The following IGF1R variants were observed in gnomAD, a reference collection of about 807,000 sequenced individuals.
IGF1R encodes insulin-like growth factor 1 receptor.
In IGF1R, 44 loss-of-function variants were observed where a neutral mutation model predicts 144.6. That is an observed-to-expected ratio of 0.30 (90% CI 0.24 to 0.39). The LOEUF (loss-of-function observed/expected upper bound fraction) is 0.39. IGF1R is among the 10% of genes least tolerant of loss of function. IGF1R has a pLI of 1.00. For missense variants in IGF1R, 1,355 were observed against 1,833.7 expected, an observed-to-expected ratio of 0.74 and a Z score of 4.77; for synonymous variants, 795 against 722.8, an observed-to-expected ratio of 1.10 and a Z score of -1.60.
chr15:98,900,028 T>C (rs1485342153), intron 5 of IGF1R, among the ~76,000 whole-genome samples: 1 of 152,196 alleles, frequency 6.6e-6, no homozygotes, highest in Admixed American at 6.5e-5. Flanking sequence ...TACGCACAAC[T>C]GCTCCATCTT....
rs551534277 is a variant in IGF1R at position 98,804,178 on chromosome 15, G to T, written c.641-87147G>T. On this transcript the variant is annotated intron_variant, in intron 2 of 20. Coordinates refer to ENST00000650285, the MANE Select transcript of IGF1R (RefSeq NM_000875.5). ...GGCTCACCATGCAGTACACATGTGT[G>T]GTCACTGGAGGGAATGGAAGAACAC... is the stretch of plus-strand genomic sequence containing the variant. Among the ~76,000 whole-genome samples the T allele has an allele frequency of 1.4e-4, 22 of 152,304 alleles. 1 individual carries two copies. In the South Asian group the frequency reaches 3.9e-3, roughly 27 times the overall value.
At chr15:98,742,691 G>T (rs1214703371) in intron 2 of IGF1R, among the ~76,000 whole-genome samples, 1 of 152,156 alleles carries the variant, frequency 6.6e-6, no homozygotes, top group Non-Finnish European at 1.5e-5. Context: ...GATCATTTTG[G>T]ACTGTTTCAA....
intron 1 of IGF1R, among the ~76,000 whole-genome samples, chr15:98,661,627 A>G (rs1463454392): frequency 6.6e-6 from 1 of 152,178 alleles, no homozygotes; most frequent in Non-Finnish European, 1.5e-5. Context: ...GCATATGTGC[A>G]GGGCTTCCTT....
rs1383538238 is a variant in IGF1R at position 98,704,696 on chromosome 15, G to A, written c.95-2866G>A. Among the ~76,000 whole-genome samples, 6 of 152,110 alleles carry A rather than the reference G, an allele frequency of 3.9e-5. No homozygotes were observed. The highest frequency in any genetic ancestry group is 1.3e-4 in the Admixed American group (2 of 15,264). ...ATAATTGTGAACCAACTGGAGCTGC[G>A]GTGAGAGAGACCATGAAAAGAAGGG... On this transcript the variant is annotated intron_variant, in intron 1 of 20. Coordinates refer to ENST00000650285, the MANE Select transcript of IGF1R (RefSeq NM_000875.5). This position sits in a 1 kb window ranked among gnomAD's most constrained non-coding sequence, Gnocchi z 4.9.
chr15:98,915,494 T>A (rs1364633070), intron 8 of IGF1R, among the ~76,000 whole-genome samples: 1 of 152,204 alleles, frequency 6.6e-6, no homozygotes, highest in African/African-American at 2.4e-5. Flanking sequence ...TCCAGGCCCC[T>A]TTCCACTTCC....
chr15:98,664,245 T>A (rs966438642), intron 1 of IGF1R, among the ~76,000 whole-genome samples: 1 of 152,178 alleles, frequency 6.6e-6, no homozygotes, highest in Admixed American at 6.5e-5. Context: ...CCCCCCAGTC[T>A]TGTTTCATGA....
At position 98,830,896 on chromosome 15, in the gene IGF1R, G is replaced by A. The variant is rs148734841; in HGVS notation, c.641-60429G>A. ...TGGGATTACAGGTGTGAACCACCAC[G>A]CCCGGCCAGGATCTGATCATTTTCT... On this transcript the variant is annotated intron_variant, in intron 2 of 20. Transcript: ENST00000650285. 3.5e-3 allele frequency among the ~76,000 whole-genome samples: 539 copies of A among 152,270 alleles called. 4 individuals are homozygous for A. The highest frequency in any genetic ancestry group is 0.011 in the African/African-American group (468 of 41,546).
chr15:98,698,239 A>G (rs769943712), intron 1 of IGF1R, among the ~76,000 whole-genome samples: 13 of 151,278 alleles, frequency 8.6e-5, no homozygotes, highest in Non-Finnish European at 1.2e-4. Context: ...GGGTTTCACC[A>G]TGTTGGCCAG....
intron 2 of IGF1R, among the ~76,000 whole-genome samples, chr15:98,867,793 T>C (rs914543873): frequency 6.6e-6 from 1 of 152,218 alleles, no homozygotes; most frequent in Non-Finnish European, 1.5e-5. Flanking sequence ...TTTGATGTGG[T>C]GCTAATTCTG....
chr15:98,675,991 A>G (rs1031116515), intron 1 of IGF1R, among the ~76,000 whole-genome samples: 2 of 150,770 alleles, frequency 1.3e-5, no homozygotes, highest in African/African-American at 4.9e-5. Context: ...ACGCCTGGCT[A>G]TTTTTTTATT....
chr15:98,858,479 C>G (rs1321190419), intron 2 of IGF1R, among the ~76,000 whole-genome samples: 1 of 152,118 alleles, frequency 6.6e-6, no homozygotes, highest in African/African-American at 2.4e-5. Context: ...TTTAATTTTC[C>G]TCCTTGAATA....
chr15:98,775,764 G>A (rs2055697454), intron 2 of IGF1R, among the ~76,000 whole-genome samples: 1 of 152,208 alleles, frequency 6.6e-6, no homozygotes, highest in Non-Finnish European at 1.5e-5. Context: ...TCACAGGGCT[G>A]GGCCCCACCC....
chr15:98,681,919 G>C (rs1350794141), intron 1 of IGF1R, among the ~76,000 whole-genome samples: 1 of 152,290 alleles, frequency 6.6e-6, no homozygotes, highest in East Asian at 1.9e-4. Context: ...TATGATTTCT[G>C]TTGGGTCATG....
chr15:98,821,049 G>T (rs745719890), intron 2 of IGF1R: 1 of 152,136 alleles, frequency 6.6e-6, no homozygotes, highest in Admixed American at 6.5e-5. Flanking sequence ...TGCTGATGCC[G>T]AATCCACTTG....
intron 2 of IGF1R, among the ~76,000 whole-genome samples, chr15:98,776,343 C>T (rs1489634594): frequency 6.6e-6 from 1 of 151,940 alleles, no homozygotes; most frequent in African/African-American, 2.4e-5. Context: ...TGCCACCATG[C>T]CGGGCTAATT....
rs2017326115 is a variant in IGF1R at position 98,963,928 on chromosome 15, G to T, written c.*6486G>T. The T allele has an allele frequency of 8.6e-6, 2 of 233,254 alleles. No homozygotes were observed. Among genetic ancestry groups the T allele is most frequent in the African/African-American group, 2.2e-5 (1 of 45,436 alleles). The allele number at this position is 233,254 out of a possible 1,614,324, so 14.4% of individuals were successfully genotyped here. A position where few individuals can be genotyped will look rare whatever the true frequency, so the allele number is the denominator to read the frequency against. On this transcript the variant is annotated 3_prime_UTR_variant, in exon 21 of 21. Coordinates refer to ENST00000650285, the MANE Select transcript of IGF1R (RefSeq NM_000875.5). ...ATCTCTATCATGGGAAACACCTGGG[G>T]TTTTTGCGCTACATAGGAGAAAGAT... is the stretch of plus-strand genomic sequence containing the variant.
rs544674838 is a variant in IGF1R, at chr15:98,649,525, CTTTTTTTTTTTT to C, written c.-44_-33del. ...TCATTTCCTTTTTTTCTTTTCTTTT[CTTTTTTTTTTTT>C]TTTTTTTTTTTTGAGAAAGGGGAAT... On this transcript the variant is annotated 5_prime_UTR_variant, in exon 1 of 21. Coordinates refer to ENST00000650285, the MANE Select transcript of IGF1R (RefSeq NM_000875.5). The C allele has an allele frequency of 1.1e-3, 829 of 724,106 alleles. 2 individuals are homozygous for C. The highest frequency in any genetic ancestry group is 2.2e-3 in the African/African-American group (106 of 47,624). The allele number at this position is 724,106 out of a possible 1,614,324, so 44.9% of individuals were successfully genotyped here. A position where few individuals can be genotyped will look rare whatever the true frequency, so the allele number is the denominator to read the frequency against.
intron 1 of IGF1R, among the ~76,000 whole-genome samples, chr15:98,703,992 A>C (rs927531344): frequency 2.6e-5 from 4 of 152,164 alleles, no homozygotes; most frequent in Non-Finnish European, 5.9e-5. Flanking sequence ...AAAATTCCAC[A>C]CCTGACCTCA....
chr15:98,929,772 A>G, intron 14 of IGF1R, 112 bp downstream of exon 14: 2 of 790,162 alleles, frequency 2.5e-6, no homozygotes, highest in Admixed American at 4.0e-5. Context: ...ATGGACTGGA[A>G]AACCTGATTT....
Sources: allele counts gnomAD v4.1 joint callset (sites outside exome capture counted in the v4.1 genomes callset), GRCh38; gene constraint gnomAD v4.1.1; non-coding constraint Gnocchi (gnomAD v3.1); transcripts MANE v1.5; gene names NCBI Gene and HGNC (gene_info 2026-07-23, HGNC 2026-07-21).